Variants in ZFPM1 observed in about 807,000 individuals in gnomAD.
ZFPM1 encodes zinc finger protein, FOG family member 1.
A neutral mutation model predicts 46.3 loss-of-function variants in ZFPM1; 28 were observed. The observed-to-expected ratio is 0.60, with a 90% CI of 0.45 to 0.83. The LOEUF is 0.83. Ranked by LOEUF, ZFPM1 falls within the 40% of genes least tolerant of loss-of-function variation. The pLI is 0.00. For synonymous variants in ZFPM1, 957 were observed against 675.9 expected (o/e 1.42, Z -6.45); for missense variants, 1,878 against 1,432.4 (o/e 1.31, Z -5.02).
Position 88,526,899 on chromosome 16 carries a change from C to A in ZFPM1, c.488C>A (p.Thr163Lys). 2 of 1,576,344 alleles carry A rather than the reference C, an allele frequency of 1.3e-6. No individual in the cohort carries two copies. Among genetic ancestry groups the A allele is most frequent in the Non-Finnish European group, 1.7e-6 (2 of 1,161,084 alleles). The change falls in exon 5 of 10, where the codon ACA becomes AAA. Residue 163 changes from threonine (T) to lysine (K), a missense_variant. Transcript: ENST00000319555. ...GCCCTGACTGAGGCCGAGGCCAACA[C>A]AGAGATCCACAGGAAGGGTCAGTAT... ...PQALTEAEAN[T>K]EIHRKDDALW...
rs968257399 is a variant in ZFPM1 at position 88,494,580 on chromosome 16, G to T, written c.268+5427G>T. ...GGGAGGGGGCTGATTCCAGGAGGGG[G>T]TGTCCGCGGGCCTCCAGGGTGAGTC... On this transcript the variant is annotated intron_variant, in intron 3 of 9. Transcript: ENST00000319555. Among the ~76,000 whole-genome samples, 5 of 152,318 alleles carry T rather than the reference G, an allele frequency of 3.3e-5. No individual in the cohort carries two copies. The East Asian group carries it at 9.6e-4, about 29-fold the overall frequency.
intron 3 of ZFPM1, among the ~76,000 whole-genome samples, chr16:88,502,633 C>A (rs921658047): frequency 1.2e-4 from 19 of 152,212 alleles, no homozygotes; most frequent in African/African-American, 4.6e-4. Flanking sequence ...GCCGAGGGTC[C>A]CCACCTCGCA....
At position 88,532,599 on chromosome 16, in the gene ZFPM1, C is replaced by T. The variant is rs756982246; in HGVS notation, c.947-15C>T. ...AGCTGGCCCGGGCACCGCTCTTACG[C>T]GCCCTGTGTTCCAGGAGAGCGGCCC... On this transcript the variant is annotated splice_polypyrimidine_tract_variant and intron_variant, in intron 7 of 9. Coordinates refer to ENST00000319555, the MANE Select transcript of ZFPM1 (RefSeq NM_153813.3). The T allele has an allele frequency of 1.9e-6, 3 of 1,554,652 alleles. No individual in the cohort carries two copies. Among genetic ancestry groups the T allele is most frequent in the South Asian group, 1.2e-5 (1 of 84,726 alleles).
At chr16:88,527,560 A>G (rs1043349186) in intron 5 of ZFPM1, among the ~76,000 whole-genome samples, 1 of 151,874 alleles carries the variant, frequency 6.6e-6, no homozygotes, top group Non-Finnish European at 1.5e-5. Context: ...ACCGCAGGGG[A>G]CACACAGCCC....
chr16:88,533,756 T>A lies in ZFPM1; in HGVS notation c.1798T>A (p.Cys600Ser). ...NNYYVHKRLY[C>S]SGRRAPEDAP... Reference sequence around the variant, plus strand: ...CTACTACGTGCACAAGCGCCTCTACTGTTCAGGCCGCCGTGCGCCCGAGGA... The same window carrying A: ...CTACTACGTGCACAAGCGCCTCTACAGTTCAGGCCGCCGTGCGCCCGAGGA... Residue 600 changes from cysteine (C) to serine (S), a missense_variant, in exon 10 of 10, where the codon TGT becomes AGT. Coordinates refer to ENST00000319555, the MANE Select transcript of ZFPM1 (RefSeq NM_153813.3). The A allele has an allele frequency of 6.9e-7, 1 of 1,445,590 alleles. No homozygotes were observed. The highest frequency in any genetic ancestry group is 1.2e-5 in the South Asian group (1 of 80,404). The allele number at this position is 1,445,590 out of a possible 1,614,324, so 89.5% of individuals were successfully genotyped here.
chr16:88,526,625 C>T (rs760647991), intron 4 of ZFPM1, among the ~76,000 whole-genome samples, 189 bp from the exon 5 acceptor site: 31 of 152,350 alleles, frequency 2.0e-4, no homozygotes, highest in African/African-American at 3.1e-4. Flanking sequence ...TTAGCCCCAC[C>T]GGTCAACTAT....
At chr16:88,492,880 C>T (rs1390793849) in intron 3 of ZFPM1, among the ~76,000 whole-genome samples, 1 of 152,214 alleles carries the variant, frequency 6.6e-6, no homozygotes, top group Non-Finnish European at 1.5e-5. Context: ...CCGCTGCACA[C>T]ATAAGTGAGT....
intron 1 of ZFPM1, among the ~76,000 whole-genome samples, chr16:88,470,175 GGAGAGCCACGGTC>G (rs1353986911): frequency 6.6e-6 from 1 of 152,188 alleles, no homozygotes; most frequent in African/African-American, 2.4e-5. Flanking sequence ...CATCGCCTGT[GGAGAGCCACGGTC>G]CTTGTCCCTG....
chr16:88,478,730 G>A (rs1464647189), intron 1 of ZFPM1, among the ~76,000 whole-genome samples: 1 of 152,218 alleles, frequency 6.6e-6, no homozygotes, highest in African/African-American at 2.4e-5. Context: ...GGGATGAGGA[G>A]GCCTCAACTG....
chr16:88,460,984 A>AGGCCTGGTGATGACCGAGGGGT lies in ZFPM1; in HGVS notation c.40+7308_40+7309insCCTGGTGATGACCGAGGGGTGG. Among the ~76,000 whole-genome samples, 2 of 12,092 alleles carry AGGCCTGGTGATGACCGAGGGGT rather than the reference A, an allele frequency of 1.7e-4. 1 individual carries two copies. Among genetic ancestry groups the AGGCCTGGTGATGACCGAGGGGT allele is most frequent in the African/African-American group, 5.9e-4 (2 of 3,406 alleles). The allele number at this position is 12,092 out of a possible 152,430, so 7.9% of individuals were successfully genotyped here. ...GGGAGGCCTGGTGAGGACCGAGGGG[A>AGGCCTGGTGATGACCGAGGGGT]GGGGCGGGAGGCCTGGTGAGGACCG... On this transcript the variant is annotated intron_variant, in intron 1 of 9. Transcript: ENST00000319555.
intron 4 of ZFPM1, 68 bp from the exon 5 acceptor site, chr16:88,526,746 A>C: frequency 2.0e-6 from 3 of 1,499,692 alleles, no homozygotes; most frequent in Non-Finnish European, 2.7e-6. Context: ...TGCCCCACAT[A>C]CTCACGGGAA....
intron 4 of ZFPM1, among the ~76,000 whole-genome samples, chr16:88,520,304 G>A (rs368084275): frequency 9.3e-5 from 14 of 150,290 alleles, no homozygotes; most frequent in East Asian, 4.0e-4. Context: ...GGATGGATGC[G>A]TGGGTGAGTG....
intron 4 of ZFPM1, chr16:88,516,501 C>T (rs1911307389): frequency 2.5e-6 from 1 of 398,522 alleles, no homozygotes; most frequent in Non-Finnish European, 4.4e-6. Context: ...CTCCACTCTT[C>T]CCTCCTCTGC....
chr16:88,457,362 C>A (rs1209884104), intron 1 of ZFPM1, among the ~76,000 whole-genome samples: 2 of 152,238 alleles, frequency 1.3e-5, no homozygotes, highest in Non-Finnish European at 2.9e-5. Flanking sequence ...GCTTTGGCAG[C>A]CTGGCTGACC....
At chr16:88,532,958 C>A (rs1333228585) in intron 9 of ZFPM1, 23 bp downstream of exon 9, 1 of 1,612,192 alleles carries the variant, frequency 6.2e-7, no homozygotes, top group South Asian at 1.1e-5. Context: ...GTGGGGGCCA[C>A]CCCTGCCCCT....
intron 1 of ZFPM1, among the ~76,000 whole-genome samples, chr16:88,479,065 T>C (rs1401582792): frequency 1.3e-5 from 2 of 152,200 alleles, no homozygotes; most frequent in Non-Finnish European, 2.9e-5. Flanking sequence ...TCCCAGGCTC[T>C]GCGCCCACTC....
At chr16:88,477,696 A>AAAAAG (rs926741337) in intron 1 of ZFPM1, among the ~76,000 whole-genome samples, 6 of 152,362 alleles carry the variant, frequency 3.9e-5, no homozygotes, top group Admixed American at 6.5e-5. Context: ...CCCCGTCTCA[A>AAAAAG]AAAAGAAAAG....
At chr16:88,519,935 G>GTGGA (rs368348204) in intron 4 of ZFPM1, among the ~76,000 whole-genome samples, 1 of 149,542 alleles carries the variant, frequency 6.7e-6, no homozygotes, top group Non-Finnish European at 1.5e-5. Context: ...AGATGGATGA[G>GTGGA]TGGATGGATG....
chr16:88,528,473 G>A (rs576597119), intron 6 of ZFPM1, among the ~76,000 whole-genome samples: 2 of 152,322 alleles, frequency 1.3e-5, no homozygotes, highest in South Asian at 2.1e-4. Flanking sequence ...GCAGGCAAGC[G>A]GGCTTAGGCA....
Sources: gnomAD v4.1 joint callset for allele counts (sites outside exome capture counted in the v4.1 genomes callset) on GRCh38, gnomAD v4.1.1 for gene constraint, MANE v1.5 for transcripts, NCBI Gene and HGNC (gene_info 2026-07-23, HGNC 2026-07-21) for gene names.